Variants in MPP4 observed in about 807,000 individuals in gnomAD.
MPP4 encodes the protein MAGUK p55 subfamily member 4.
A neutral mutation model predicts 98.3 loss-of-function variants in MPP4; 91 were observed. The ratio of observed to expected loss-of-function variants is 0.93; its 90% confidence interval spans 0.78 to 1.10. MPP4 has a LOEUF of 1.10. Among genes scored for constraint, MPP4 ranks in the 50% least tolerant of loss-of-function variants. MPP4 has a pLI of 0.00. For synonymous variants in MPP4, 261 were observed against 271.8 expected, an observed-to-expected ratio of 0.96 and a Z score of 0.39; for missense variants, 744 against 792.9, an observed-to-expected ratio of 0.94 and a Z score of 0.74.
chr2:201,682,775 AG>A, intron 8 of MPP4, 55 bp downstream of exon 8: 1 of 1,493,700 alleles, frequency 6.7e-7, no homozygotes, highest in East Asian at 2.3e-5. Context: ...TGATGGTCCC[AG>A]TTCAGCCTTG....
rs184078266 is a variant in MPP4, at chr2:201,677,894, G to A, written c.930-2623C>T. The stretch of plus-strand genomic sequence containing the variant: ...CTTCTCAAAAGCCACATCAGCCCGC[G>A]CTCGGGGCAGGCCTCTTGCCCAGAT... On this transcript the variant is annotated intron_variant, in intron 10 of 21. Transcript: ENST00000409474. Among the ~76,000 whole-genome samples the A allele has an allele frequency of 5.3e-5, 8 of 152,254 alleles. No homozygotes were observed. In the South Asian group the frequency reaches 1.0e-3, roughly 20 times the overall value.
intron 3 of MPP4, among the ~76,000 whole-genome samples, chr2:201,690,836 T>A (rs1245478431): frequency 6.6e-6 from 1 of 152,232 alleles, no homozygotes; most frequent in Non-Finnish European, 1.5e-5. Flanking sequence ...GTTCATTTTT[T>A]AAAATTCCAA....
intron 17 of MPP4, 123 bp downstream of exon 17, chr2:201,656,075 A>G: frequency 8.9e-7 from 1 of 1,125,460 alleles, no homozygotes; most frequent in African/African-American, 1.6e-5. Flanking sequence ...GTTTTTTAAA[A>G]AAGGTATTTG....
intron 3 of MPP4, among the ~76,000 whole-genome samples, chr2:201,690,669 A>C (rs765054356): frequency 6.6e-6 from 1 of 152,194 alleles, no homozygotes; most frequent in Admixed American, 6.5e-5. Context: ...GACACCTGTG[A>C]GGACCCCTGT....
chr2:201,694,930 C>A (rs959148689), intron 1 of MPP4, among the ~76,000 whole-genome samples: 1 of 152,060 alleles, frequency 6.6e-6, no homozygotes, highest in South Asian at 2.1e-4. Flanking sequence ...GTTTTCTTAA[C>A]CCTATCAGAT....
At chr2:201,694,608 C>CTTTTTTTTTTTTTTTT (rs777556505) in intron 1 of MPP4, among the ~76,000 whole-genome samples, 2 of 78,902 alleles carry the variant, frequency 2.5e-5, no homozygotes, top group African/African-American at 5.2e-5. Flanking sequence ...TTCTTTTTCC[C>CTTTTTTTTTTTTTTTT]TTTTTTTTTT....
rs765476788 is a variant in MPP4 at position 201,654,933 on chromosome 2, C to T, written c.1301-16G>A. 3 of 1,544,100 alleles carry T rather than the reference C, an allele frequency of 1.9e-6. No homozygotes were observed. Among genetic ancestry groups the T allele is most frequent in the Non-Finnish European group, 1.8e-6 (2 of 1,129,824 alleles). ...CCAGAGGGTCCTAAACACAAAAAGT[C>T]ACACACAGAAATCATCAGATGTGGA... On this transcript the variant is annotated splice_polypyrimidine_tract_variant and intron_variant, in intron 17 of 21. Transcript: ENST00000409474.
intron 18 of MPP4, chr2:201,651,537 C>G: frequency 3.0e-6 from 3 of 985,326 alleles, no homozygotes; most frequent in Non-Finnish European, 3.6e-6. Context: ...AGCTTAAAAC[C>G]TCAATTTAAA....
chr2:201,646,482 G>T (rs1457656015), intron 21 of MPP4, among the ~76,000 whole-genome samples: 1 of 151,458 alleles, frequency 6.6e-6, no homozygotes, highest in Non-Finnish European at 1.5e-5. Context: ...CACAAATGCA[G>T]GCACCAAAAT....
In MPP4 at chr2:201,693,896, G is replaced by A; in HGVS notation, c.59C>T (p.Thr20Ile). 1 of 1,613,978 alleles carries A rather than the reference G, an allele frequency of 6.2e-7. No homozygotes were observed. The highest frequency in any genetic ancestry group is 8.5e-7 in the Non-Finnish European group (1 of 1,179,850). Residue 20 changes from threonine to isoleucine, a missense_variant, in exon 2 of 22, where the codon ACA (threonine) becomes ATA (isoleucine). Thr to Ile is a moderately conservative substitution (Grantham distance 89). Transcript: ENST00000409474. ...CATACCATTCTGTGGATTGGTGGCTGTAGAAAGCTTCATGTCCTTCTTGTC... is the reference window on the plus strand; with the variant it reads ...CATACCATTCTGTGGATTGGTGGCTATAGAAAGCTTCATGTCCTTCTTGTC... ...PPDKKDMKLS[T>I]ATNPQNGLSQ...
rs771581707 is a variant in MPP4, at chr2:201,656,292, G to A, written c.1206C>T (p.Thr402=). The A allele has an allele frequency of 2.9e-5, 46 of 1,581,358 alleles. No homozygotes were observed. In the South Asian group the frequency reaches 4.4e-4, roughly 15 times the overall value. ...CACCCACTGCACTGTAGCAGCTGCC[G>A]GTGCAGCACACACTGGCATGCAGCG... ...LSPLHASVCC[T]GSCYSAVGAP... is the part of the protein sequence containing the mutation. The change falls in exon 17 of 22, where the codon ACC becomes ACT. Residue 402 remains threonine (T), a synonymous_variant. Coordinates refer to ENST00000409474, the MANE Select transcript of MPP4 (RefSeq NM_033066.3).
At chr2:201,674,811 C>T (rs904601073) in intron 11 of MPP4, among the ~76,000 whole-genome samples, 3 of 152,146 alleles carry the variant, frequency 2.0e-5, no homozygotes, top group African/African-American at 7.2e-5. Context: ...AATAACATTA[C>T]TATTGTAGAA....
At chr2:201,674,826 A>C (rs1298541472) in intron 11 of MPP4, among the ~76,000 whole-genome samples, 4 of 152,126 alleles carry the variant, frequency 2.6e-5, no homozygotes, top group Non-Finnish European at 5.9e-5. Context: ...GTAGAACCTA[A>C]GATTGGCCTT....
chr2:201,688,214 C>T (rs1160621855), intron 4 of MPP4, among the ~76,000 whole-genome samples: 1 of 152,090 alleles, frequency 6.6e-6, no homozygotes, highest in Non-Finnish European at 1.5e-5. Flanking sequence ...TTTATTCATT[C>T]ATTCGACAAA....
At chr2:201,657,580 C>A (rs184567883) in intron 16 of MPP4, among the ~76,000 whole-genome samples, 2 of 107,486 alleles carry the variant, frequency 1.9e-5, no homozygotes, top group African/African-American at 6.2e-5. Flanking sequence ...CAGTGAGAAC[C>A]CTGGCCCTTG....
rs554115400 is a variant in MPP4 at position 201,678,625 on chromosome 2, C to A, written c.929+2213G>T. The stretch of plus-strand genomic sequence containing the variant: ...TCTCACGGTGGCTGATTTCAAGCTA[C>A]CATCCTGTCTTCACTGAACGTGGGT... On this transcript the variant is annotated intron_variant, in intron 10 of 21. Transcript: ENST00000409474. 2.2e-4 allele frequency among the ~76,000 whole-genome samples: 33 copies of A among 152,232 alleles called. No individual in the cohort carries two copies. In the South Asian group the frequency reaches 6.7e-3, roughly 31 times the overall value.
At position 201,685,973 on chromosome 2, in the gene MPP4, A is replaced by G. The variant is rs749283267; in HGVS notation, c.438T>C (p.Pro146=). 6.2e-6 allele frequency: 10 copies of G among 1,612,752 alleles called. No homozygotes were observed. The East Asian group carries it at 2.0e-4, about 32-fold the overall frequency. Residue 146 remains proline (P), a synonymous_variant, in exon 6 of 22, where the codon CCT becomes CCC. Transcript: ENST00000409474. ...PLLPPLPDNI[P]ESEEAMRIVC... is the part of the protein sequence containing the mutation. Reference sequence around the variant, plus strand: ...CAATCCTCATTGCTTCCTCACTCTCAGGGATATTGTCTGGCAGTGGAGGGA... The same window carrying G: ...CAATCCTCATTGCTTCCTCACTCTCGGGGATATTGTCTGGCAGTGGAGGGA...
chr2:201,696,409 G>A (rs1689182823), intron 1 of MPP4, among the ~76,000 whole-genome samples: 1 of 152,212 alleles, frequency 6.6e-6, no homozygotes, highest in Non-Finnish European at 1.5e-5. Context: ...CTGCTAGAGA[G>A]CAGACAAAAG....
At chr2:201,691,184 C>T (rs1689009966) in intron 3 of MPP4, among the ~76,000 whole-genome samples, 1 of 152,170 alleles carries the variant, frequency 6.6e-6, no homozygotes, top group Non-Finnish European at 1.5e-5. Context: ...CTTAGCTGAT[C>T]CTGTGGGAAA....
Sources: gnomAD v4.1 joint callset for allele counts (sites outside exome capture counted in the v4.1 genomes callset) on GRCh38, gnomAD v4.1.1 for gene constraint, MANE v1.5 for transcripts, NCBI Gene and HGNC (gene_info 2026-07-23, HGNC 2026-07-21) for gene names.